The following RAB40C variants were observed in gnomAD, a reference collection of about 807,000 sequenced individuals.
The protein encoded by RAB40C is RAB40C, member RAS oncogene family.
RAB40C carries 8 observed loss-of-function variants against 28.1 expected under a neutral mutation model. That is an observed-to-expected ratio of 0.28 (90% CI 0.17 to 0.51). RAB40C has a LOEUF of 0.51. Ranked by LOEUF, RAB40C falls within the 20% of genes least tolerant of loss-of-function variation. RAB40C has a pLI of 0.97. For missense variants in RAB40C, 288 were observed against 405.9 expected, an observed-to-expected ratio of 0.71 and a Z score of 2.50; for synonymous variants, 201 against 171.7, an observed-to-expected ratio of 1.17 and a Z score of -1.34.
chr16:603,981 T>C (rs763386144), intron 1 of RAB40C, among the ~76,000 whole-genome samples: 3 of 152,242 alleles, frequency 2.0e-5, no homozygotes, highest in Non-Finnish European at 2.9e-5. Context: ...ATTTACCTTG[T>C]TGATGCACAT....
chr16:622,256 A>T (rs1410069676), intron 3 of RAB40C, among the ~76,000 whole-genome samples: 1 of 152,202 alleles, frequency 6.6e-6, no homozygotes, highest in Non-Finnish European at 1.5e-5. Context: ...GCTCAGATGC[A>T]TATTGCCACC....
intron 1 of RAB40C, among the ~76,000 whole-genome samples, chr16:591,636 G>A (rs538543076): frequency 6.6e-6 from 1 of 150,394 alleles, no homozygotes; most frequent in South Asian, 2.1e-4. Flanking sequence ...TCTGTCGCCA[G>A]GCTGGAGTGC....
chr16:598,170 G>A (rs2036172872), intron 1 of RAB40C, among the ~76,000 whole-genome samples: 1 of 151,934 alleles, frequency 6.6e-6, no homozygotes, highest in Non-Finnish European at 1.5e-5. Context: ...ACGAGGTCAG[G>A]AGATCAAGAC....
chr16:619,536 T>A (rs1288252614), intron 3 of RAB40C, among the ~76,000 whole-genome samples: 1 of 152,200 alleles, frequency 6.6e-6, no homozygotes, highest in Non-Finnish European at 1.5e-5. Context: ...AGACCTGTCA[T>A]GGCCACTGTT....
At chr16:611,151 A>C (rs1831758459) in intron 1 of RAB40C, among the ~76,000 whole-genome samples, 1 of 152,152 alleles carries the variant, frequency 6.6e-6, no homozygotes, top group Non-Finnish European at 1.5e-5. Context: ...CTGATTCAAG[A>C]GCAAGGTGCT....
chr16:623,381 G>T (rs2036761687), intron 3 of RAB40C, among the ~76,000 whole-genome samples: 1 of 152,190 alleles, frequency 6.6e-6, no homozygotes, highest in Non-Finnish European at 1.5e-5. Context: ...CGGGCGCGGT[G>T]GCTCACGCCT....
intron 3 of RAB40C, chr16:624,344 A>G: frequency 4.1e-6 from 4 of 985,392 alleles, no homozygotes; most frequent in Non-Finnish European, 4.8e-6. Context: ...CTGGGTGTGC[A>G]TTTGTTTATT....
At chr16:595,251 C>T (rs555861104) in intron 1 of RAB40C, among the ~76,000 whole-genome samples, 2 of 152,208 alleles carry the variant, frequency 1.3e-5, no homozygotes, top group African/African-American at 2.4e-5. Flanking sequence ...CCGCTGCCCC[C>T]GTGTAGCCCC....
At chr16:596,193 A>G (rs926212725) in intron 1 of RAB40C, 1 of 419,964 alleles carries the variant, frequency 2.4e-6, no homozygotes, top group Non-Finnish European at 4.9e-6. Context: ...GGCCTGCACG[A>G]TGAGCTAAAT....
rs1487719182 is a variant in RAB40C, at chr16:628,746, GC to G, written c.*1128del. The G allele has an allele frequency of 6.5e-6, 1 of 153,292 alleles. No homozygotes were observed. Among genetic ancestry groups the G allele is most frequent in the Non-Finnish European group, 1.5e-5 (1 of 68,636 alleles). The allele number at this position is 153,292 out of a possible 1,614,324, so 9.5% of individuals were successfully genotyped here. On this transcript the variant is annotated 3_prime_UTR_variant, in exon 6 of 6. Transcript: ENST00000248139. ...GCTTCTGCCCATGCCTGCCCCAGCA[GC>G]CCCTCTGCACGGTCACCATCGCCTG...
At chr16:598,484 CT>C (rs2036180247) in intron 1 of RAB40C, among the ~76,000 whole-genome samples, 1 of 150,706 alleles carries the variant, frequency 6.6e-6, no homozygotes, top group Non-Finnish European at 1.5e-5. Flanking sequence ...TTGCTTGAAC[CT>C]GGGTGGCGGA....
intron 1 of RAB40C, among the ~76,000 whole-genome samples, chr16:609,091 G>A (rs2036426984): frequency 6.6e-6 from 1 of 152,168 alleles, no homozygotes; most frequent in African/African-American, 2.4e-5. Context: ...CTCCAGCCTG[G>A]GTGACAGAAC....
At chr16:608,796 C>A (rs964400080) in intron 1 of RAB40C, among the ~76,000 whole-genome samples, 1 of 152,116 alleles carries the variant, frequency 6.6e-6, no homozygotes, top group Non-Finnish European at 1.5e-5. Flanking sequence ...TCACTTGAAC[C>A]CAGAAGGTGG....
intron 1 of RAB40C, among the ~76,000 whole-genome samples, chr16:609,509 G>C (rs970379908): frequency 2.0e-5 from 3 of 152,020 alleles, no homozygotes; most frequent in Non-Finnish European, 4.4e-5. Flanking sequence ...TTAGAAGCCA[G>C]AGTCACCAGC....
chr16:620,232 A>G (rs1321721913), intron 3 of RAB40C, among the ~76,000 whole-genome samples: 1 of 152,198 alleles, frequency 6.6e-6, no homozygotes, highest in Non-Finnish European at 1.5e-5. Flanking sequence ...ATCTCTACGA[A>G]AAATACAAAA....
chr16:624,443 C>T, intron 3 of RAB40C: 1 of 985,498 alleles, frequency 1.0e-6, no homozygotes, highest in Non-Finnish European at 1.2e-6. Context: ...CCTTCCTGAG[C>T]TGTCGCTCCA....
chr16:611,565 G>A (rs1196861125), intron 1 of RAB40C, among the ~76,000 whole-genome samples: 1 of 152,238 alleles, frequency 6.6e-6, no homozygotes, highest in Non-Finnish European at 1.5e-5. Flanking sequence ...GTGCCTCCCT[G>A]AAGAGTGTTG....
intron 1 of RAB40C, among the ~76,000 whole-genome samples, chr16:597,371 T>C (rs540888986): frequency 3.3e-5 from 5 of 152,004 alleles, no homozygotes; most frequent in Non-Finnish European, 5.9e-5. Context: ...CAAACCAAAC[T>C]GGGAAGGATT....
chr16:627,500 T>C lies in RAB40C; in HGVS notation c.724T>C (p.Ser242Pro), dbSNP rs1382478653. Residue 242 changes from serine to proline, a missense_variant, in exon 6 of 6, where the codon TCC becomes CCC. Ser to Pro is a moderately conservative substitution (Grantham distance 74). This residue lies in a region of RAB40C where 153 missense variants were observed against 262.4 expected (regional missense o/e 0.58). Transcript: ENST00000248139. ...GGTCATGATGCACGGCCGTTCCTAC[T>C]CCCTGGCCAGCGGGGCCGGGGGCGG... ...NAVMMHGRSY[S>P]LASGAGGGGS... 1 of 1,613,698 alleles carries C rather than the reference T, an allele frequency of 6.2e-7. No homozygotes were observed. The highest frequency in any genetic ancestry group is 8.5e-7 in the Non-Finnish European group (1 of 1,180,008).
Sources: gnomAD v4.1 joint callset for allele counts (sites outside exome capture counted in the v4.1 genomes callset) on GRCh38, gnomAD v4.1.1 for gene constraint, gnomAD v4.1.1 regional missense constraint, MANE v1.5 for transcripts, NCBI Gene and HGNC (gene_info 2026-07-23, HGNC 2026-07-21) for gene names.